The following GTF2A1 variants were observed in gnomAD, a reference collection of about 807,000 sequenced individuals.
GTF2A1 encodes the protein transcription initiation factor IIA subunit 1.
GTF2A1 carries 12 observed loss-of-function variants against 54.1 expected under a neutral mutation model. That is an observed-to-expected ratio of 0.22 (90% CI 0.14 to 0.36). GTF2A1 has a LOEUF of 0.36. GTF2A1 is among the 10% of genes least tolerant of loss of function. The pLI is 1.00. For synonymous variants in GTF2A1, 145 were observed against 152.0 expected (o/e 0.95, Z 0.34); for missense variants, 335 against 442.2 (o/e 0.76, Z 2.17).
Position 81,220,737 on chromosome 14 carries a change from TAAA to T in GTF2A1, c.-222_-220del, listed in dbSNP as rs879011381. Reference sequence around the variant, plus strand: ...CAGCTGAAAACCTCGAGAATCGCCTTAAAAAAAAAAAAAAAGCCACGACCCTTC... The same window carrying T: ...CAGCTGAAAACCTCGAGAATCGCCTTAAAAAAAAAAAAGCCACGACCCTTC... On this transcript the variant is annotated 5_prime_UTR_variant, in exon 1 of 9. Transcript: ENST00000553612. 67 of 198,622 alleles carry T rather than the reference TAAA, an allele frequency of 3.4e-4. No homozygotes were observed. The highest frequency in any genetic ancestry group is 7.7e-4 in the South Asian group (5 of 6,534). The allele number at this position is 198,622 out of a possible 1,614,324, so 12.3% of individuals were successfully genotyped here.
intron 7 of GTF2A1, among the ~76,000 whole-genome samples, chr14:81,186,305 A>C (rs1892744056): frequency 6.6e-6 from 1 of 152,260 alleles, no homozygotes; most frequent in Non-Finnish European, 1.5e-5. Context: ...ACAGTGGAGA[A>C]ATTAGAGGAG....
intron 4 of GTF2A1, among the ~76,000 whole-genome samples, chr14:81,199,613 T>C (rs1172742969): frequency 6.6e-6 from 1 of 152,182 alleles, no homozygotes; most frequent in Non-Finnish European, 1.5e-5. Flanking sequence ...TGTTCAGAAA[T>C]ACATGAAGGA....
intron 8 of GTF2A1, among the ~76,000 whole-genome samples, chr14:81,185,141 TAC>T (rs1293839268): frequency 1.3e-5 from 2 of 152,142 alleles, no homozygotes; most frequent in African/African-American, 4.8e-5. Context: ...TAAAAACAGT[TAC>T]AGAGATTCAA....
chr14:81,189,488 A>G (rs761674024), intron 7 of GTF2A1, among the ~76,000 whole-genome samples: 1 of 152,048 alleles, frequency 6.6e-6, no homozygotes, highest in Non-Finnish European at 1.5e-5. Context: ...TGGCTAACAC[A>G]GCGAAACCCC....
intron 7 of GTF2A1, among the ~76,000 whole-genome samples, chr14:81,191,565 T>G (rs1474566083): frequency 6.6e-6 from 1 of 152,192 alleles, no homozygotes; most frequent in Non-Finnish European, 1.5e-5. Flanking sequence ...CGTAATTACT[T>G]CATTTACGTT....
At position 81,177,282 on chromosome 14, in the gene GTF2A1, G is replaced by A. The variant is rs1892548889; in HGVS notation, c.*2941C>T. The A allele has an allele frequency of 1.3e-5, 2 of 152,074 alleles. No individual in the cohort carries two copies. Among genetic ancestry groups the A allele is most frequent in the African/African-American group, 4.8e-5 (2 of 41,442 alleles). 9.4% of individuals were successfully genotyped at this position (152,074 alleles called of 1,614,324 possible). ...GGCATTTTAATTAACAGAAAGAAAT[G>A]TGAACATTTAAAAAATAGAAAAGCC... On this transcript the variant is annotated 3_prime_UTR_variant, in exon 9 of 9. Transcript: ENST00000553612.
intron 5 of GTF2A1, 25 bp from the exon 6 acceptor site, chr14:81,196,266 A>G: frequency 6.2e-7 from 1 of 1,613,492 alleles, no homozygotes; most frequent in Non-Finnish European, 8.5e-7. Flanking sequence ...ATGCATTCCG[A>G]GTTATCATTT....
chr14:81,205,120 A>T (rs367613892), intron 2 of GTF2A1, among the ~76,000 whole-genome samples: 13 of 146,866 alleles, frequency 8.9e-5, no homozygotes, highest in Middle Eastern at 3.5e-3. Flanking sequence ...TTATTTTTTT[A>T]TTTTTTTTTT....
intron 5 of GTF2A1, 48 bp downstream of exon 5, chr14:81,197,361 A>G: frequency 1.0e-6 from 1 of 959,262 alleles, no homozygotes; most frequent in Non-Finnish European, 1.6e-6. Context: ...GCTAGATAGT[A>G]CAATTTTCTG....
rs1555389875 is a variant in GTF2A1 at position 81,200,885 on chromosome 14, C to CG, written c.402+708_402+709insC. On this transcript the variant is annotated intron_variant, in intron 4 of 8. Coordinates refer to ENST00000553612, the MANE Select transcript of GTF2A1 (RefSeq NM_015859.4). Reference sequence around the variant, plus strand: ...TCTGACTATATTTTAATGTTTTATCCAAAAAAAAAAAAAAAACAAAAAACA... The same window carrying CG: ...TCTGACTATATTTTAATGTTTTATCCGAAAAAAAAAAAAAAAACAAAAAACA... 7.2e-5 allele frequency among the ~76,000 whole-genome samples: 8 copies of CG among 111,110 alleles called. 1 individual carries two copies. The highest frequency in any genetic ancestry group is 3.3e-4 in the African/African-American group (8 of 24,602). The allele number at this position is 111,110 out of a possible 152,430, so 72.9% of individuals were successfully genotyped here.
intron 3 of GTF2A1, among the ~76,000 whole-genome samples, chr14:81,202,488 G>A (rs1018611849): frequency 1.6e-4 from 24 of 152,274 alleles, no homozygotes; most frequent in African/African-American, 4.8e-4. Flanking sequence ...AGCAACTCAG[G>A]AGGCTAAGGT....
rs1414265441 is a variant in GTF2A1, at chr14:81,204,012, T to C, written c.225A>G (p.Gln75=). ...QLLLQVQQQH[Q]PQQQQHHHHH... ...GGTGGTGATGCTGCTGCTGCTGGGG[T>C]TGATGCTGCTGTTGAACTTGCAGTA... The change falls in exon 3 of 9, where the codon CAA becomes CAG. Residue 75 remains glutamine (Q), a synonymous_variant. Coordinates refer to ENST00000553612, the MANE Select transcript of GTF2A1 (RefSeq NM_015859.4). 1.2e-6 allele frequency: 2 copies of C among 1,613,580 alleles called. No individual in the cohort carries two copies. Among genetic ancestry groups the C allele is most frequent in the South Asian group, 2.2e-5 (2 of 91,066 alleles).
chr14:81,212,139 G>C (rs758849707), intron 2 of GTF2A1, among the ~76,000 whole-genome samples: 7 of 151,996 alleles, frequency 4.6e-5, no homozygotes, highest in Non-Finnish European at 8.8e-5. Context: ...ATCTGAACCA[G>C]AGGCAGATAA....
rs979229775 is a variant in GTF2A1 at position 81,180,149 on chromosome 14, GCC to G, written c.*72_*73del. On this transcript the variant is annotated 3_prime_UTR_variant, in exon 9 of 9. Coordinates refer to ENST00000553612, the MANE Select transcript of GTF2A1 (RefSeq NM_015859.4). ...AGAAACGAAGTTTTGGTTGGCATAT[GCC>G]CCAAGTTTCAAACTGTCCGCTTTAC... 26 of 663,594 alleles carry G rather than the reference GCC, an allele frequency of 3.9e-5. No individual in the cohort carries two copies. The highest frequency in any genetic ancestry group is 2.5e-4 in the Admixed American group (10 of 39,216). The allele number at this position is 663,594 out of a possible 1,614,324, so 41.1% of individuals were successfully genotyped here. A position where few individuals can be genotyped will look rare whatever the true frequency, so the allele number is the denominator to read the frequency against.
chr14:81,214,519 G>A (rs369210908), intron 2 of GTF2A1, among the ~76,000 whole-genome samples: 7 of 151,704 alleles, frequency 4.6e-5, no homozygotes, highest in East Asian at 1.9e-4. Flanking sequence ...CGTGGCGGGC[G>A]CCTGTAGTCC....
intron 2 of GTF2A1, chr14:81,209,804 C>T (rs1237780669): frequency 3.6e-6 from 2 of 554,480 alleles, no homozygotes; most frequent in Non-Finnish European, 6.0e-6. Context: ...AAAGTCTCAA[C>T]AGCCTCAAAG....
chr14:81,181,334 A>C (rs1043144226), intron 8 of GTF2A1, among the ~76,000 whole-genome samples: 3 of 147,704 alleles, frequency 2.0e-5, no homozygotes, highest in African/African-American at 8.0e-5. Flanking sequence ...CTATGATCTA[A>C]AGGTACCTAA....
chr14:81,197,396 C>T lies in GTF2A1; in HGVS notation c.478+13G>A. 1 of 1,387,188 alleles carries T rather than the reference C, an allele frequency of 7.2e-7. No individual in the cohort carries two copies. Among genetic ancestry groups the T allele is most frequent in the Non-Finnish European group, 1.0e-6 (1 of 983,508 alleles). 85.9% of individuals were successfully genotyped at this position (1,387,188 alleles called of 1,614,324 possible). A position where few individuals can be genotyped will look rare whatever the true frequency, so the allele number is the denominator to read the frequency against. On this transcript the variant is annotated intron_variant, in intron 5 of 8. Transcript: ENST00000553612. Reference sequence around the variant, plus strand: ...GAATTACATTTTAAAATGGTTCCATCATTCCTAATTACCTGAATTTGTTAA... The same window carrying T: ...GAATTACATTTTAAAATGGTTCCATTATTCCTAATTACCTGAATTTGTTAA...
intron 2 of GTF2A1, among the ~76,000 whole-genome samples, chr14:81,212,090 T>C (rs1184651195): frequency 6.6e-6 from 1 of 151,764 alleles, no homozygotes; most frequent in African/African-American, 2.4e-5. Flanking sequence ...CAACAAAGAA[T>C]TAACCAGTGC....
Sources: allele counts gnomAD v4.1 joint callset (sites outside exome capture counted in the v4.1 genomes callset), GRCh38; gene constraint gnomAD v4.1.1; transcripts MANE v1.5; gene names NCBI Gene and HGNC (gene_info 2026-07-23, HGNC 2026-07-21).